The following FRMD6 variants were observed in gnomAD, a reference collection of about 807,000 sequenced individuals.
FRMD6 encodes FERM domain containing 6, also known as FERM domain-containing protein 6.
In FRMD6, 37 loss-of-function variants were observed where a neutral mutation model predicts 73.2. The ratio of observed to expected loss-of-function variants is 0.51; its 90% CI spans 0.39 to 0.66. FRMD6 has a LOEUF of 0.66. FRMD6 is among the 30% of genes least tolerant of loss of function. The pLI, the probability that FRMD6 is intolerant of heterozygous loss-of-function variation, is 0.00. For synonymous variants in FRMD6, 273 were observed against 282.2 expected (o/e 0.97, Z 0.33); for missense variants, 714 against 780.5 (o/e 0.91, Z 1.02).
intron 1 of FRMD6, among the ~76,000 whole-genome samples, chr14:51,524,579 T>C (rs1885132061): frequency 1.3e-5 from 2 of 152,150 alleles, no homozygotes; most frequent in South Asian, 2.1e-4. Flanking sequence ...TTTAGACAAA[T>C]TAAATTTAAC....
Position 51,587,340 on chromosome 14 carries a change from T to G in FRMD6, c.-147+16930T>G, listed in dbSNP as rs562199668. Among the ~76,000 whole-genome samples, 56 of 152,292 alleles carry G rather than the reference T, an allele frequency of 3.7e-4. 2 individuals are homozygous for G. The South Asian group carries it at 0.011, about 30-fold the overall frequency. On this transcript the variant is annotated intron_variant, in intron 2 of 14. Transcript: ENST00000356218. ...ATACAGATGAGGTAGCAGTGACACC[T>G]CTGAGTGTCACCTCCTCTTAGATGG...
the FRMD6 span, among the ~76,000 whole-genome samples, chr14:51,438,064 A>G: frequency 6.6e-6 from 1 of 152,240 alleles, no homozygotes; most frequent in African/African-American, 2.4e-5. Flanking sequence ...GTTTAAAAAA[A>G]GACAAAAACA....
chr14:51,427,582 C>G, the FRMD6 span, among the ~76,000 whole-genome samples: 1 of 152,210 alleles, frequency 6.6e-6, no homozygotes, highest in African/African-American at 2.4e-5. Flanking sequence ...GAGAAGAAAA[C>G]AAATTTGTCA....
intron 2 of FRMD6, among the ~76,000 whole-genome samples, chr14:51,626,657 G>C (rs901806989): frequency 6.6e-6 from 1 of 152,166 alleles, no homozygotes; most frequent in African/African-American, 2.4e-5. Context: ...TTATCATGAG[G>C]TCTAGTTAGA....
chr14:51,512,494 T>C (rs574152632), intron 1 of FRMD6, among the ~76,000 whole-genome samples: 1 of 152,312 alleles, frequency 6.6e-6, no homozygotes, highest in Admixed American at 6.5e-5. Context: ...AGGGACAACG[T>C]CTTGTCATCC....
In FRMD6 at chr14:51,729,896, T is replaced by C. The variant is rs1898172652; in HGVS notation, c.*1867T>C. 1 of 152,684 alleles carries C rather than the reference T, an allele frequency of 6.5e-6. No homozygotes were observed. The highest frequency in any genetic ancestry group is 2.4e-5 in the African/African-American group (1 of 41,468). 9.5% of individuals were successfully genotyped at this position (152,684 alleles called of 1,614,324 possible). A position where few individuals can be genotyped will look rare whatever the true frequency, so the allele number is the denominator to read the frequency against. Reference sequence around the variant, plus strand: ...ATTGTTTTGCTTTTATCAAATACTTTAATAGAACCAAAGTTGCAGATATTG... The same window carrying C: ...ATTGTTTTGCTTTTATCAAATACTTCAATAGAACCAAAGTTGCAGATATTG... On this transcript the variant is annotated 3_prime_UTR_variant, in exon 14 of 14. Coordinates refer to ENST00000344768, the MANE Select transcript of FRMD6 (RefSeq NM_001267046.2).
chr14:51,397,293 C>T, the FRMD6 span, among the ~76,000 whole-genome samples: 1 of 152,168 alleles, frequency 6.6e-6, no homozygotes, highest in African/African-American at 2.4e-5. Flanking sequence ...AGGGAGTGCT[C>T]CTTCACAGGG....
intron 1 of FRMD6, among the ~76,000 whole-genome samples, chr14:51,554,095 A>G (rs1886987432): frequency 6.6e-6 from 1 of 152,170 alleles, no homozygotes; most frequent in African/African-American, 2.4e-5. Context: ...TTCTAAAACA[A>G]AACAAAGGCC....
intron 8 of FRMD6, 91 bp downstream of exon 8, chr14:51,711,687 T>C: frequency 2.2e-6 from 2 of 907,274 alleles, no homozygotes; most frequent in East Asian, 2.4e-5. Flanking sequence ...CAGTAGTTCA[T>C]TTTTGGCCAC....
chr14:51,616,028 T>C (rs1890694455), intron 2 of FRMD6, among the ~76,000 whole-genome samples: 1 of 152,158 alleles, frequency 6.6e-6, no homozygotes, highest in African/African-American at 2.4e-5. Flanking sequence ...TCTTGGAAGA[T>C]ATGGGTATAA....
At chr14:51,695,105 A>C (rs1482656379) in intron 2 of FRMD6, among the ~76,000 whole-genome samples, 2 of 148,700 alleles carry the variant, frequency 1.3e-5, no homozygotes, top group Non-Finnish European at 2.9e-5. Context: ...TTTCCTATAC[A>C]TTTAGTTTGT....
At chr14:51,621,528 T>C (rs2139925646) in intron 2 of FRMD6, among the ~76,000 whole-genome samples, 1 of 152,314 alleles carries the variant, frequency 6.6e-6, no homozygotes, top group South Asian at 2.1e-4. Context: ...TGTTCCACCC[T>C]GTAGGTTGTT....
chr14:51,662,900 T>C (rs553868146), intron 1 of FRMD6, among the ~76,000 whole-genome samples: 1 of 152,204 alleles, frequency 6.6e-6, no homozygotes, highest in South Asian at 2.1e-4. Flanking sequence ...AAAGGTCTAA[T>C]ATGCAGCATC....
chr14:51,529,380 T>C (rs1246646541), intron 1 of FRMD6, among the ~76,000 whole-genome samples: 1 of 152,232 alleles, frequency 6.6e-6, no homozygotes, highest in Admixed American at 6.5e-5. Flanking sequence ...CTCATACATG[T>C]GAATGCATGT....
At chr14:51,497,962 T>G (rs1257752765) in intron 1 of FRMD6, among the ~76,000 whole-genome samples, 3 of 152,210 alleles carry the variant, frequency 2.0e-5, no homozygotes, top group Non-Finnish European at 4.4e-5. Context: ...ACACTCTAGA[T>G]TAATCTTTAC....
chr14:51,549,301 T>G (rs1439851209), intron 1 of FRMD6, among the ~76,000 whole-genome samples: 4 of 152,172 alleles, frequency 2.6e-5, no homozygotes, highest in Non-Finnish European at 5.9e-5. Flanking sequence ...TTTTAAAAAA[T>G]CAATTACAAG....
chr14:51,426,753 A>AGAACTTTCTCCT, the FRMD6 span, among the ~76,000 whole-genome samples: 2 of 152,144 alleles, frequency 1.3e-5, no homozygotes, highest in Non-Finnish European at 1.5e-5. Context: ...CCTAGTGTGG[A>AGAACTTTCTCCT]GAACTTTCTC....
At chr14:51,456,576 A>G in the FRMD6 span, among the ~76,000 whole-genome samples, 6 of 152,172 alleles carry the variant, frequency 3.9e-5, no homozygotes, top group Non-Finnish European at 8.8e-5. Context: ...TCTAATGACC[A>G]GTGATGATGA....
intron 1 of FRMD6, among the ~76,000 whole-genome samples, chr14:51,681,764 A>G (rs756513727): frequency 4.6e-5 from 7 of 152,218 alleles, no homozygotes; most frequent in Non-Finnish European, 1.0e-4. Context: ...GCATTTGGTA[A>G]TTAGCTTAAT....
Sources: allele counts gnomAD v4.1 joint callset (sites outside exome capture counted in the v4.1 genomes callset), GRCh38; gene constraint gnomAD v4.1.1; transcripts MANE v1.5; gene names NCBI Gene and HGNC (gene_info 2026-07-23, HGNC 2026-07-21).